The following HIP1R variants were observed in gnomAD, a reference collection of about 807,000 sequenced individuals.
The protein encoded by HIP1R is huntingtin-interacting protein 1-related protein.
Under a neutral mutation model 144.2 loss-of-function variants are expected in HIP1R, and 135 were observed. The ratio of observed to expected loss-of-function variants is 0.94; its 90% CI spans 0.81 to 1.08. The LOEUF (loss-of-function observed/expected upper bound fraction) is 1.08, where lower values mean the gene tolerates loss of function less well. HIP1R is among the 50% of genes least tolerant of loss of function. The pLI is 0.00. For missense variants in HIP1R, 1,462 were observed against 1,432.8 expected (o/e 1.02, Z -0.33); for synonymous variants, 698 against 612.8 (o/e 1.14, Z -2.05).
intron 2 of HIP1R, 80 bp from the exon 3 acceptor site, chr12:122,848,386 C>T (rs931345839): frequency 1.9e-5 from 29 of 1,512,042 alleles, no homozygotes; most frequent in South Asian, 1.8e-4. Context: ...CCTCTTCCGG[C>T]GGCCCTGGCC....
chr12:122,839,897 C>T (rs896779396), intron 1 of HIP1R, among the ~76,000 whole-genome samples: 23 of 152,216 alleles, frequency 1.5e-4, no homozygotes, highest in Non-Finnish European at 2.6e-4. Context: ...CAGCCCGCAC[C>T]GGCCAGCGGC....
In HIP1R at chr12:122,839,674, A is replaced by G. The variant is rs370134612; in HGVS notation, c.93+4031A>G. Among the ~76,000 whole-genome samples the G allele has an allele frequency of 9.2e-5, 14 of 152,370 alleles. No individual in the cohort carries two copies. In the South Asian group the frequency reaches 1.4e-3, roughly 16 times the overall value. On this transcript the variant is annotated intron_variant, in intron 1 of 31. Coordinates refer to ENST00000253083, the MANE Select transcript of HIP1R (RefSeq NM_003959.3). ...ACTTTTAGATTGTCTAGTAACTACT[A>G]GAAAAGTCAACAGAAACAGGTGCGA...
intron 1 of HIP1R, among the ~76,000 whole-genome samples, chr12:122,843,030 C>G (rs2033101314): frequency 1.3e-5 from 2 of 152,228 alleles, no homozygotes; most frequent in African/African-American, 4.8e-5. Flanking sequence ...GGGCCCTTGG[C>G]TCTGCCAGCC....
At position 122,861,992 on chromosome 12, in the gene HIP1R, G is replaced by A. The variant is rs564392881; in HGVS notation, c.*239G>A. The stretch of plus-strand genomic sequence containing the variant: ...AGAAGGAACTTTGGGGTGCAGCCAG[G>A]ACCCGGTAGGCCTGAGCCTCAACTC... On this transcript the variant is annotated 3_prime_UTR_variant, in exon 32 of 32. Coordinates refer to ENST00000253083, the MANE Select transcript of HIP1R (RefSeq NM_003959.3). 1.4e-4 allele frequency: 72 copies of A among 522,928 alleles called. No homozygotes were observed. The South Asian group carries it at 2.0e-3, about 15-fold the overall frequency. 32.4% of individuals were successfully genotyped at this position (522,928 alleles called of 1,614,324 possible).
At chr12:122,847,116 A>AGCT (rs950285993) in intron 1 of HIP1R, among the ~76,000 whole-genome samples, 2 of 152,250 alleles carry the variant, frequency 1.3e-5, no homozygotes, top group East Asian at 3.9e-4. Context: ...TGGCCTGGAC[A>AGCT]GCTCTTCTCA....
At chr12:122,849,854 A>T (rs752410967) in intron 4 of HIP1R, 21 bp from the exon 5 acceptor site, 2 of 1,590,718 alleles carry the variant, frequency 1.3e-6, no homozygotes, top group Non-Finnish European at 1.7e-6. Flanking sequence ...GTGGCCCCTC[A>T]CCCTGTCTGT....
intron 3 of HIP1R, 77 bp from the exon 4 acceptor site, chr12:122,848,719 G>C: frequency 6.2e-7 from 1 of 1,600,700 alleles, no homozygotes; most frequent in Non-Finnish European, 8.5e-7. Context: ...CTCCCGCCTC[G>C]GGTGGGGAGT....
At position 122,861,765 on chromosome 12, in the gene HIP1R, G is replaced by A; in HGVS notation, c.*12G>A. ...TCGTGAACTACTAGGCCCCCCAGGGGTCCAGCAGGGTGGCTGGTGACAGGC... is the reference window on the plus strand; with the variant it reads ...TCGTGAACTACTAGGCCCCCCAGGGATCCAGCAGGGTGGCTGGTGACAGGC... On this transcript the variant is annotated 3_prime_UTR_variant, in exon 32 of 32. Transcript: ENST00000253083. 2 of 1,613,664 alleles carry A rather than the reference G, an allele frequency of 1.2e-6. No homozygotes were observed. Among genetic ancestry groups the A allele is most frequent in the Non-Finnish European group, 1.7e-6 (2 of 1,179,750 alleles).
chr12:122,859,319 G>A, intron 22 of HIP1R, 107 bp from the exon 23 acceptor site: 6 of 1,460,904 alleles, frequency 4.1e-6, no homozygotes, highest in Non-Finnish European at 5.7e-6. Flanking sequence ...CACAGGGTGG[G>A]GACCATGCAC....
chr12:122,854,902 C>T lies in HIP1R; in HGVS notation c.719-3C>T. On this transcript the variant is annotated splice_polypyrimidine_tract_variant and splice_region_variant and intron_variant, in intron 8 of 31. Coordinates refer to ENST00000253083, the MANE Select transcript of HIP1R (RefSeq NM_003959.3). ...GTCCTGTTACACTTGTGCCACCCTCCAGGTCTCCCTGCGGACACCCTGCAA... is the reference window on the plus strand; with the variant it reads ...GTCCTGTTACACTTGTGCCACCCTCTAGGTCTCCCTGCGGACACCCTGCAA... 6.2e-7 allele frequency: 1 copy of T among 1,612,618 alleles called. No individual in the cohort carries two copies. Among genetic ancestry groups the T allele is most frequent in the Non-Finnish European group, 8.5e-7 (1 of 1,179,538 alleles).
At position 122,835,660 on chromosome 12, in the gene HIP1R, C is replaced by T; in HGVS notation, c.93+17C>T. 4 of 884,532 alleles carry T rather than the reference C, an allele frequency of 4.5e-6. No homozygotes were observed. The highest frequency in any genetic ancestry group is 3.9e-5 in the African/African-American group (1 of 25,958). 54.8% of individuals were successfully genotyped at this position (884,532 alleles called of 1,614,324 possible). On this transcript the variant is annotated intron_variant, in intron 1 of 31. Coordinates refer to ENST00000253083, the MANE Select transcript of HIP1R (RefSeq NM_003959.3). ...AAGACCCAGGCGAGCGGGCGGCGGG[C>T]GGCGGGCGGCGGGCGGCGGCGGGCG... is the stretch of plus-strand genomic sequence containing the variant.
rs1341088584 is a variant in HIP1R, at chr12:122,836,417, G to A, written c.93+774G>A. Among the ~76,000 whole-genome samples the A allele has an allele frequency of 6.6e-6, 1 of 152,122 alleles. No individual in the cohort carries two copies. Among genetic ancestry groups the A allele is most frequent in the East Asian group, 1.9e-4 (1 of 5,196 alleles). On this transcript the variant is annotated intron_variant, in intron 1 of 31. Coordinates refer to ENST00000253083, the MANE Select transcript of HIP1R (RefSeq NM_003959.3). This position sits in a 1 kb window ranked among gnomAD's most constrained non-coding sequence, Gnocchi z 4.1. ...CAGATGATGCCTATCCTGGGAAGGC[G>A]TTAGAAATGAAATAAGGGCGCGGGT...
At position 122,859,045 on chromosome 12, in the gene HIP1R, T is replaced by A; in HGVS notation, c.2159-16T>A. The stretch of plus-strand genomic sequence containing the variant: ...TCGGTGGGGGGGGCTCCACTCACGG[T>A]CCTTTCTCACCCCAGGCCTCATAGA... On this transcript the variant is annotated splice_polypyrimidine_tract_variant and intron_variant, in intron 21 of 31. Transcript: ENST00000253083. 6.2e-7 allele frequency: 1 copy of A among 1,605,678 alleles called. No homozygotes were observed. The highest frequency in any genetic ancestry group is 8.5e-7 in the Non-Finnish European group (1 of 1,176,456).
chr12:122,855,252 G>A lies in HIP1R; in HGVS notation c.853-13G>A, dbSNP rs1461427304. 2 of 1,612,400 alleles carry A rather than the reference G, an allele frequency of 1.2e-6. No individual in the cohort carries two copies. Among genetic ancestry groups the A allele is most frequent in the Non-Finnish European group, 1.7e-6 (2 of 1,179,742 alleles). On this transcript the variant is annotated splice_polypyrimidine_tract_variant and intron_variant, in intron 10 of 31. Transcript: ENST00000253083. The stretch of plus-strand genomic sequence containing the variant: ...GGGGACAGCTGAGCAGGTCCCACCT[G>A]CCGCCCCTGCAGGGACCCCCTAACT...
At chr12:122,843,490 T>C (rs1048550086) in intron 1 of HIP1R, among the ~76,000 whole-genome samples, 1 of 152,240 alleles carries the variant, frequency 6.6e-6, no homozygotes, top group South Asian at 2.1e-4. Flanking sequence ...GCTGGCCTTA[T>C]GGCATAGAGT....
Position 122,857,050 on chromosome 12 carries a change from C to G in HIP1R, c.1650C>G (p.Asp550Glu). ...AGTCGGAGCTGAGCTCACGGCTGGA[C>G]ACGCTGAGTGCGGAGAAGGATGCTC... ...QSKSELSSRL[D>E]TLSAEKDALS... Residue 550 changes from aspartate (D) to glutamate (E), a missense_variant, in exon 18 of 32, where the codon GAC (aspartate) becomes GAG (glutamate). Physicochemically the swap from Asp to Glu is conservative, Grantham distance 45. Coordinates refer to ENST00000253083, the MANE Select transcript of HIP1R (RefSeq NM_003959.3). 1 of 1,550,704 alleles carries G rather than the reference C, an allele frequency of 6.4e-7. No homozygotes were observed. Among genetic ancestry groups the G allele is most frequent in the South Asian group, 1.2e-5 (1 of 84,076 alleles).
rs755402650 is a variant in HIP1R at position 122,860,533 on chromosome 12, C to G, written c.2660+10C>G. On this transcript the variant is annotated intron_variant, in intron 27 of 31. Coordinates refer to ENST00000253083, the MANE Select transcript of HIP1R (RefSeq NM_003959.3). ...GAGCCACACAGCTGGTGTAGGTTGC[C>G]CTGGGTGGGGGGGGGCAGGGGGCTG... 87 of 1,605,470 alleles carry G rather than the reference C, an allele frequency of 5.4e-5. No individual in the cohort carries two copies. Among genetic ancestry groups the G allele is most frequent in the Non-Finnish European group, 6.6e-5 (78 of 1,173,722 alleles).
At chr12:122,851,173 C>A in intron 6 of HIP1R, 63 bp from the exon 7 acceptor site, 1 of 1,417,524 alleles carries the variant, frequency 7.1e-7, no homozygotes, top group South Asian at 1.5e-5. Flanking sequence ...GAGGGGGCGT[C>A]TCAGGACGAG....
intron 18 of HIP1R, 127 bp from the exon 19 acceptor site, chr12:122,857,975 C>T (rs553833273): frequency 2.6e-6 from 2 of 764,678 alleles, no homozygotes; most frequent in Non-Finnish European, 4.1e-6. Flanking sequence ...CTAGAAATCT[C>T]CACCCCCCTG....
Sources: allele counts gnomAD v4.1 joint callset (sites outside exome capture counted in the v4.1 genomes callset), GRCh38; gene constraint gnomAD v4.1.1; non-coding constraint Gnocchi (gnomAD v3.1); transcripts MANE v1.5; gene names NCBI Gene and HGNC (gene_info 2026-07-23, HGNC 2026-07-21).